BABAM1: variants seen among roughly 807,000 people sequenced by gnomAD.
BABAM1 encodes the protein BRISC and BRCA1-A complex member 1.
In BABAM1, 14 loss-of-function variants were observed where a neutral mutation model predicts 34.4. The ratio of observed to expected loss-of-function variants is 0.41; its 90% CI spans 0.27 to 0.64. The LOEUF is 0.64. Ranked by LOEUF, BABAM1 falls within the 30% of genes least tolerant of loss-of-function variation. The pLI is 0.34. For synonymous variants in BABAM1, 169 were observed against 165.8 expected (o/e 1.02, Z -0.15); for missense variants, 393 against 434.0 (o/e 0.91, Z 0.84).
chr19:17,273,341 TG>T (rs1440416810), intron 3 of BABAM1, among the ~76,000 whole-genome samples: 2 of 152,112 alleles, frequency 1.3e-5, no homozygotes, highest in Admixed American at 6.6e-5. Context: ...CATTCACAAC[TG>T]CCCATGGCTG....
At chr19:17,273,248 G>C (rs544211939) in intron 3 of BABAM1, among the ~76,000 whole-genome samples, 6 of 152,272 alleles carry the variant, frequency 3.9e-5, no homozygotes, top group Admixed American at 3.9e-4. Flanking sequence ...CTGGAGTGGG[G>C]GGCAGTTTGG....
rs148718142 is a variant in BABAM1, at chr19:17,269,117, T to C, written c.285+26T>C. ...GTAAGTAGAGGGGGTGGCCTGGGGC[T>C]CTGAGATGCTAGGGAACCTAGCATC... is the stretch of plus-strand genomic sequence containing the variant. On this transcript the variant is annotated intron_variant, in intron 2 of 8. Transcript: ENST00000598188. 439 of 1,558,074 alleles carry C rather than the reference T, an allele frequency of 2.8e-4. 2 individuals are homozygous for C. In the African/African-American group the frequency reaches 5.6e-3, roughly 20 times the overall value.
chr19:17,276,487 G>A lies in BABAM1; in HGVS notation c.570-8G>A, dbSNP rs1176674036. The A allele has an allele frequency of 1.9e-6, 3 of 1,589,074 alleles. No homozygotes were observed. The highest frequency in any genetic ancestry group is 1.1e-5 in the South Asian group (1 of 87,112). On this transcript the variant is annotated splice_region_variant and splice_polypyrimidine_tract_variant and intron_variant, in intron 6 of 8. Coordinates refer to ENST00000598188, the MANE Select transcript of BABAM1 (RefSeq NM_014173.4). Reference sequence around the variant, plus strand: ...TGCTCTGACTGCTCCCTCCTCCCGGGTATGCAGCCAGCAGAAAACTGAGCT... The same window carrying A: ...TGCTCTGACTGCTCCCTCCTCCCGGATATGCAGCCAGCAGAAAACTGAGCT...
chr19:17,268,540 CT>C (rs1050791586), intron 1 of BABAM1: 2 of 312,808 alleles, frequency 6.4e-6, no homozygotes, highest in Admixed American at 9.4e-5. Flanking sequence ...AGCGATTCTC[CT>C]GCCTCAGCCT....
chr19:17,269,283 AG>A (rs1343139392), intron 2 of BABAM1, among the ~76,000 whole-genome samples, 192 bp downstream of exon 2: 1 of 151,540 alleles, frequency 6.6e-6, no homozygotes, highest in Non-Finnish European at 1.5e-5. Context: ...AGGTGTCGCC[AG>A]GGCCATGGCC....
At chr19:17,278,601 G>A (rs1017022955) in intron 8 of BABAM1, among the ~76,000 whole-genome samples, 9 of 151,722 alleles carry the variant, frequency 5.9e-5, no homozygotes, top group East Asian at 2.0e-4. Context: ...GAGCCACCGC[G>A]CCCGGCCCAC....
In BABAM1 at chr19:17,268,836, T is replaced by TGAA. The variant is rs1226104322; in HGVS notation, c.33_35dup (p.Glu18dup). On this transcript the variant is annotated inframe_insertion, in exon 2 of 9. Coordinates refer to ENST00000598188, the MANE Select transcript of BABAM1 (RefSeq NM_014173.4). ...AAGTGGCAGAGCCCAGCAGCCCCACTGAAGAGGAGGAGGAGGAAGAGGAGC... is the reference window on the plus strand; with the variant it reads ...AAGTGGCAGAGCCCAGCAGCCCCACTGAAGAAGAGGAGGAGGAGGAAGAGGAGC... 6.2e-7 allele frequency: 1 copy of TGAA among 1,610,156 alleles called. No homozygotes were observed. The highest frequency in any genetic ancestry group is 1.7e-4 in the Middle Eastern group (1 of 5,982).
At chr19:17,275,408 A>G (rs906045396) in intron 5 of BABAM1, among the ~76,000 whole-genome samples, 3 of 152,056 alleles carry the variant, frequency 2.0e-5, no homozygotes, top group Non-Finnish European at 4.4e-5. Context: ...TTCCTGTCTT[A>G]GCCTCCCAAG....
intron 3 of BABAM1, 50 bp downstream of exon 3, chr19:17,271,705 C>A: frequency 6.3e-7 from 1 of 1,585,884 alleles, no homozygotes; most frequent in South Asian, 1.1e-5. Context: ...CAGGGAGGGT[C>A]CAGCCCAAAA....
At chr19:17,277,101 G>T in intron 8 of BABAM1, 192 bp downstream of exon 8, 1 of 587,896 alleles carries the variant, frequency 1.7e-6, no homozygotes, top group Non-Finnish European at 3.0e-6. Flanking sequence ...GCAGCCATTG[G>T]GACGATGGTC....
rs2073782072 is a variant in BABAM1 at position 17,267,543 on chromosome 19, G to C, written c.-14+16G>C. 1 of 152,232 alleles carries C rather than the reference G, an allele frequency of 6.6e-6. No homozygotes were observed. The highest frequency in any genetic ancestry group is 2.4e-5 in the African/African-American group (1 of 41,446). 9.4% of individuals were successfully genotyped at this position (152,232 alleles called of 1,614,324 possible). Reference sequence around the variant, plus strand: ...TGAGCCGAAGGTGGGTGGTGAAAGCGTGTGGGGCCCGTTCCTAGGGGCCCA... The same window carrying C: ...TGAGCCGAAGGTGGGTGGTGAAAGCCTGTGGGGCCCGTTCCTAGGGGCCCA... On this transcript the variant is annotated intron_variant, in intron 1 of 8. Coordinates refer to ENST00000598188, the MANE Select transcript of BABAM1 (RefSeq NM_014173.4).
intron 8 of BABAM1, chr19:17,277,198 T>C (rs1027093497): frequency 1.0e-4 from 26 of 248,884 alleles, no homozygotes; most frequent in Admixed American, 3.8e-4. Context: ...TTTTCTTTCT[T>C]CTTCTTTTTT....
chr19:17,273,555 G>GTTTTTT (rs1555716572), intron 3 of BABAM1, among the ~76,000 whole-genome samples: 2 of 13,226 alleles, frequency 1.5e-4, no homozygotes, highest in African/African-American at 3.0e-4. Flanking sequence ...GTTTTTTTTT[G>GTTTTTT]TTTGTTTTGT....
chr19:17,269,675 G>A (rs1051071841), intron 2 of BABAM1, among the ~76,000 whole-genome samples: 6 of 151,794 alleles, frequency 4.0e-5, no homozygotes, highest in African/African-American at 9.7e-5. Flanking sequence ...CTAGCCTCTC[G>A]TGGCTCCTGG....
Position 17,276,476 on chromosome 19 carries a change from C to T in BABAM1, c.570-19C>T. On this transcript the variant is annotated intron_variant, in intron 6 of 8. Transcript: ENST00000598188. ...CCCCCACAGGCTGCTCTGACTGCTCCCTCCTCCCGGGTATGCAGCCAGCAG... is the reference window on the plus strand; with the variant it reads ...CCCCCACAGGCTGCTCTGACTGCTCTCTCCTCCCGGGTATGCAGCCAGCAG... 1.9e-6 allele frequency: 3 copies of T among 1,584,310 alleles called. No individual in the cohort carries two copies. The highest frequency in any genetic ancestry group is 2.6e-6 in the Non-Finnish European group (3 of 1,166,204).
chr19:17,272,757 A>G (rs2073857324), intron 3 of BABAM1, among the ~76,000 whole-genome samples: 3 of 151,644 alleles, frequency 2.0e-5, no homozygotes, highest in South Asian at 4.2e-4. Context: ...GGTGGCTCAT[A>G]CCTGTAATCC....
chr19:17,276,250 G>A lies in BABAM1; in HGVS notation c.570-245G>A, dbSNP rs182044874. On this transcript the variant is annotated intron_variant, in intron 6 of 8. Coordinates refer to ENST00000598188, the MANE Select transcript of BABAM1 (RefSeq NM_014173.4). Reference sequence around the variant, plus strand: ...CTTGAGAGGCCGAGGCAGGAGAATCGCTTGAACCTGGGAGGTAGAGGTTGC... The same window carrying A: ...CTTGAGAGGCCGAGGCAGGAGAATCACTTGAACCTGGGAGGTAGAGGTTGC... 1.9e-4 allele frequency: 107 copies of A among 568,998 alleles called. No individual in the cohort carries two copies. In the East Asian group the frequency reaches 2.9e-3, roughly 16 times the overall value. The allele number at this position is 568,998 out of a possible 1,614,324, so 35.2% of individuals were successfully genotyped here. A position where few individuals can be genotyped will look rare whatever the true frequency, so the allele number is the denominator to read the frequency against.
At chr19:17,276,121 C>T (rs1450601684) in intron 6 of BABAM1, among the ~76,000 whole-genome samples, 7 of 152,010 alleles carry the variant, frequency 4.6e-5, no homozygotes, top group Non-Finnish European at 8.8e-5. Flanking sequence ...CCGAGGCGGG[C>T]AGATCACCTG....
At position 17,279,233 on chromosome 19, in the gene BABAM1, T is replaced by C. The variant is rs569271811; in HGVS notation, c.*185T>C. On this transcript the variant is annotated 3_prime_UTR_variant, in exon 9 of 9. Transcript: ENST00000598188. ...GGATCCCAGGAACTGTGGGCACCCATTTTCTGTGTCTCCCAGCCCATTTCC... is the reference window on the plus strand; with the variant it reads ...GGATCCCAGGAACTGTGGGCACCCACTTTCTGTGTCTCCCAGCCCATTTCC... 8.8e-6 allele frequency: 5 copies of C among 570,868 alleles called. No homozygotes were observed. The East Asian group carries it at 1.2e-4, about 13-fold the overall frequency. 35.4% of individuals were successfully genotyped at this position (570,868 alleles called of 1,614,324 possible). A position where few individuals can be genotyped will look rare whatever the true frequency, so the allele number is the denominator to read the frequency against.
Sources: allele counts gnomAD v4.1 joint callset (sites outside exome capture counted in the v4.1 genomes callset), GRCh38; gene constraint gnomAD v4.1.1; transcripts MANE v1.5; gene names NCBI Gene and HGNC (gene_info 2026-07-23, HGNC 2026-07-21).